AGBL4: variants seen among roughly 807,000 people sequenced by gnomAD.
The protein encoded by AGBL4 is AGBL carboxypeptidase 4.
Under a neutral mutation model 66.4 loss-of-function variants are expected in AGBL4, and 58 were observed. The ratio of observed to expected loss-of-function variants is 0.87; its 90% CI spans 0.71 to 1.09. The LOEUF (loss-of-function observed/expected upper bound fraction) is 1.09, where lower values mean the gene tolerates loss of function less well. AGBL4 is among the 50% of genes least tolerant of loss of function. The pLI is 0.00. For missense variants in AGBL4, 579 were observed against 631.0 expected (o/e 0.92, Z 0.88); for synonymous variants, 234 against 222.9 (o/e 1.05, Z -0.44).
intron 6 of AGBL4, among the ~76,000 whole-genome samples, chr1:48,793,523 G>C (rs1250444364): frequency 6.6e-6 from 1 of 152,170 alleles, no homozygotes; most frequent in Admixed American, 6.5e-5. Context: ...CACCTGCTGG[G>C]AGGAAGAAAA....
intron 4 of AGBL4, among the ~76,000 whole-genome samples, chr1:49,243,825 G>A (rs1651425264): frequency 6.6e-6 from 1 of 151,796 alleles, no homozygotes; most frequent in Admixed American, 6.6e-5. Flanking sequence ...ACAGTGTGAT[G>A]TGCTATGGTA....
chr1:49,313,025 G>GC (rs1491209466), intron 3 of AGBL4, among the ~76,000 whole-genome samples: 2 of 151,404 alleles, frequency 1.3e-5, no homozygotes, highest in African/African-American at 4.9e-5. Flanking sequence ...CCCTCCTCTA[G>GC]CCCCCCAACC....
At chr1:49,752,199 C>T (rs1651530516) in intron 2 of AGBL4, among the ~76,000 whole-genome samples, 1 of 152,154 alleles carries the variant, frequency 6.6e-6, no homozygotes, top group Admixed American at 6.5e-5. Context: ...CCTGCTTTCT[C>T]ATGAGGGCAT....
chr1:49,302,205 ACT>A (rs1376544144), intron 3 of AGBL4, among the ~76,000 whole-genome samples: 1 of 151,460 alleles, frequency 6.6e-6, no homozygotes, highest in Non-Finnish European at 1.5e-5. Context: ...TAAAAAAAAA[ACT>A]CTTGAAATTA....
intron 9 of AGBL4, among the ~76,000 whole-genome samples, chr1:48,604,232 T>C (rs319976): frequency 0.29 from 43,485 of 151,974 alleles, 6,600 homozygotes; most frequent in Middle Eastern, 0.39. Context: ...AAAGCAAGAT[T>C]GACAGTTTGC....
intron 1 of AGBL4, among the ~76,000 whole-genome samples, chr1:49,939,492 T>C (rs1355806654): frequency 1.3e-5 from 2 of 151,780 alleles, no homozygotes; most frequent in African/African-American, 4.8e-5. Flanking sequence ...ATGGTACTGG[T>C]ACCAAAACAG....
intron 4 of AGBL4, among the ~76,000 whole-genome samples, chr1:49,132,785 T>C (rs1161547043): frequency 6.6e-6 from 1 of 152,176 alleles, no homozygotes; most frequent in African/African-American, 2.4e-5. Context: ...TTTTACACTG[T>C]TGGTGGGAAT....
chr1:48,637,609 G>A (rs540658773), intron 8 of AGBL4, among the ~76,000 whole-genome samples: 15 of 152,364 alleles, frequency 9.8e-5, no homozygotes, highest in African/African-American at 3.4e-4. Context: ...TGGGTGATGC[G>A]AGGCAGCAGG....
In AGBL4 at chr1:49,943,973, C is replaced by T. The variant is rs115497637; in HGVS notation, c.34+79790G>A. On this transcript the variant is annotated intron_variant, in intron 1 of 13. Coordinates refer to ENST00000371839, the MANE Select transcript of AGBL4 (RefSeq NM_032785.4). The stretch of plus-strand genomic sequence containing the variant: ...GCATTGTGGGAGTAAGACCAGTCTT[C>T]GGAGTTTCATGGGAACATAACTCCA... Among the ~76,000 whole-genome samples, 938 of 152,018 alleles carry T rather than the reference C, an allele frequency of 6.2e-3. 16 individuals are homozygous for T. The highest frequency in any genetic ancestry group is 0.022 in the African/African-American group (907 of 41,468).
chr1:49,786,678 T>C (rs886559925), intron 2 of AGBL4, among the ~76,000 whole-genome samples: 1 of 152,148 alleles, frequency 6.6e-6, no homozygotes, highest in South Asian at 2.1e-4. Context: ...GAAACATTTG[T>C]CATCTATAAA....
chr1:48,661,588 C>G (rs1233658112), intron 7 of AGBL4, among the ~76,000 whole-genome samples: 2 of 152,198 alleles, frequency 1.3e-5, no homozygotes, highest in African/African-American at 4.8e-5. Flanking sequence ...AGTGTATGAA[C>G]TCAGCACCAT....
chr1:48,719,055 T>A (rs1255073730), intron 6 of AGBL4, among the ~76,000 whole-genome samples: 1 of 152,226 alleles, frequency 6.6e-6, no homozygotes, highest in African/African-American at 2.4e-5. Flanking sequence ...GCCAAGGTCA[T>A]GTTCCTGAAA....
chr1:49,938,644 A>G (rs1478737403), intron 1 of AGBL4, among the ~76,000 whole-genome samples: 1 of 152,210 alleles, frequency 6.6e-6, no homozygotes, highest in East Asian at 1.9e-4. Flanking sequence ...AAGCTTATCC[A>G]CCATGATCAA....
chr1:49,591,387 G>A (rs1018912043), intron 3 of AGBL4, among the ~76,000 whole-genome samples: 4 of 151,928 alleles, frequency 2.6e-5, no homozygotes, highest in South Asian at 4.2e-4. Context: ...TAAATAACTT[G>A]TTATCAAAAA....
At position 48,796,521 on chromosome 1, in the gene AGBL4, G is replaced by C. The variant is rs144026376; in HGVS notation, c.634+70670C>G. Among the ~76,000 whole-genome samples, 509 of 152,310 alleles carry C rather than the reference G, an allele frequency of 3.3e-3. 3 individuals carry two copies. Among genetic ancestry groups the C allele is most frequent in the Non-Finnish European group, 5.8e-3 (397 of 68,028 alleles). ...AGTGTATTGAATTAGTATTGTCTTG[G>C]AAGGAAGCACTGGAGGTTGTGGGGA... On this transcript the variant is annotated intron_variant, in intron 6 of 13. Transcript: ENST00000371839.
At chr1:48,893,266 T>C (rs1490912440) in intron 5 of AGBL4, among the ~76,000 whole-genome samples, 1 of 151,958 alleles carries the variant, frequency 6.6e-6, no homozygotes, top group Non-Finnish European at 1.5e-5. Flanking sequence ...ATGTTTGTGT[T>C]CCCCCTCAAT....
At chr1:49,914,218 C>CTCACA (rs1651154598) in intron 1 of AGBL4, among the ~76,000 whole-genome samples, 1 of 152,176 alleles carries the variant, frequency 6.6e-6, no homozygotes, top group South Asian at 2.1e-4. Context: ...TTTATTTCCT[C>CTCACA]TCACATCTCT....
chr1:49,920,103 G>GACTT (rs1318390568), intron 1 of AGBL4, among the ~76,000 whole-genome samples: 3 of 152,194 alleles, frequency 2.0e-5, no homozygotes, highest in African/African-American at 7.2e-5. Flanking sequence ...ATGGATTAAA[G>GACTT]ACTTACATGT....
At chr1:49,946,610 A>G (rs991008760) in intron 1 of AGBL4, among the ~76,000 whole-genome samples, 4 of 151,944 alleles carry the variant, frequency 2.6e-5, no homozygotes, top group Non-Finnish European at 5.9e-5. Flanking sequence ...AAAAGTCTGA[A>G]AGAGCCCTAA....
Sources: allele counts gnomAD v4.1 joint callset (sites outside exome capture counted in the v4.1 genomes callset), GRCh38; gene constraint gnomAD v4.1.1; transcripts MANE v1.5; gene names NCBI Gene and HGNC (gene_info 2026-07-23, HGNC 2026-07-21).